Variants in CTNNBL1 observed in about 807,000 individuals in gnomAD.
CTNNBL1 encodes the protein catenin beta like 1.
A neutral mutation model predicts 72.7 loss-of-function variants in CTNNBL1; 31 were observed. The observed-to-expected ratio is 0.43, with a 90% confidence interval of 0.32 to 0.58. The LOEUF (loss-of-function observed/expected upper bound fraction) is 0.58, where lower values mean the gene tolerates loss of function less well. Among genes scored for constraint, CTNNBL1 ranks in the 20% least tolerant of loss-of-function variants. CTNNBL1 has a pLI of 0.08. For missense variants in CTNNBL1, 534 were observed against 725.1 expected (o/e 0.74, Z 3.03); for synonymous variants, 240 against 267.3 (o/e 0.90, Z 1.00).
chr20:37,854,243 GT>G (rs2072419698), intron 13 of CTNNBL1, among the ~76,000 whole-genome samples: 1 of 152,126 alleles, frequency 6.6e-6, no homozygotes, highest in Non-Finnish European at 1.5e-5. Flanking sequence ...TACCTGCCTG[GT>G]TAAAAGAAGA....
intron 13 of CTNNBL1, among the ~76,000 whole-genome samples, 189 bp downstream of exon 13, chr20:37,842,608 A>G (rs1163330496): frequency 6.6e-6 from 1 of 152,168 alleles, no homozygotes; most frequent in Non-Finnish European, 1.5e-5. Context: ...CCCTTTCAGG[A>G]AGAAGTATGT....
intron 11 of CTNNBL1, among the ~76,000 whole-genome samples, chr20:37,809,572 A>G (rs543963236): frequency 1.3e-5 from 2 of 152,312 alleles, no homozygotes; most frequent in Non-Finnish European, 2.9e-5. Flanking sequence ...GCTCCTGATC[A>G]CACGTGTCAC....
chr20:37,853,174 C>T (rs992323943), intron 13 of CTNNBL1, among the ~76,000 whole-genome samples: 5 of 152,182 alleles, frequency 3.3e-5, no homozygotes, highest in African/African-American at 7.2e-5. Flanking sequence ...GATCTCCACA[C>T]GGGCCAGCTA....
chr20:37,767,044 C>T (rs1272715286), intron 6 of CTNNBL1, among the ~76,000 whole-genome samples: 2 of 152,098 alleles, frequency 1.3e-5, no homozygotes, highest in South Asian at 2.1e-4. Context: ...ACTGGGGAGG[C>T]TGATGTGGGC....
chr20:37,838,957 A>G (rs1024064292), intron 11 of CTNNBL1, among the ~76,000 whole-genome samples: 3 of 152,200 alleles, frequency 2.0e-5, no homozygotes, highest in Non-Finnish European at 4.4e-5. Context: ...AGCTGAATAT[A>G]TGAGTCAGCA....
At chr20:37,809,579 T>C (rs1021049988) in intron 11 of CTNNBL1, among the ~76,000 whole-genome samples, 2 of 152,202 alleles carry the variant, frequency 1.3e-5, no homozygotes, top group African/African-American at 4.8e-5. Context: ...ATCACACGTG[T>C]CACACTCATT....
At chr20:37,787,590 C>A (rs138904874) in intron 10 of CTNNBL1, among the ~76,000 whole-genome samples, 1 of 152,152 alleles carries the variant, frequency 6.6e-6, no homozygotes, top group Non-Finnish European at 1.5e-5. Context: ...GTGATCCGCA[C>A]GCCTTGGCCT....
intron 11 of CTNNBL1, among the ~76,000 whole-genome samples, chr20:37,816,404 G>A (rs1442736358): frequency 1.3e-5 from 2 of 152,130 alleles, no homozygotes; most frequent in Non-Finnish European, 2.9e-5. Context: ...GTAGCCCTGG[G>A]CTGGGTTCAG....
chr20:37,721,251 C>T (rs1427418233), intron 1 of CTNNBL1, among the ~76,000 whole-genome samples: 1 of 152,188 alleles, frequency 6.6e-6, no homozygotes, highest in Admixed American at 6.5e-5. Context: ...TTTTAATGCA[C>T]AGTAGCTAAC....
intron 1 of CTNNBL1, among the ~76,000 whole-genome samples, chr20:37,712,958 C>T (rs189898685): frequency 3.9e-5 from 6 of 152,188 alleles, no homozygotes. Flanking sequence ...TTAAGCACCA[C>T]CGGACCTGGG....
chr20:37,704,574 G>A (rs770177566), intron 1 of CTNNBL1, among the ~76,000 whole-genome samples: 4 of 152,156 alleles, frequency 2.6e-5, no homozygotes, highest in Middle Eastern at 6.8e-3. Flanking sequence ...TGCTGGGTTT[G>A]GAGGTGCGCG....
intron 15 of CTNNBL1, among the ~76,000 whole-genome samples, chr20:37,870,543 A>G (rs964295115): frequency 6.6e-6 from 1 of 152,014 alleles, no homozygotes; most frequent in African/African-American, 2.4e-5. Flanking sequence ...TGTAAATCCT[A>G]TTGGAGCCAC....
At chr20:37,842,532 G>A in intron 13 of CTNNBL1, 113 bp downstream of exon 13, 1 of 731,310 alleles carries the variant, frequency 1.4e-6, no homozygotes, top group South Asian at 1.6e-5. Flanking sequence ...CATCTAACAT[G>A]TTATAGAAGT....
chr20:37,844,200 G>A (rs1269807657), intron 13 of CTNNBL1, among the ~76,000 whole-genome samples: 1 of 152,126 alleles, frequency 6.6e-6, no homozygotes, highest in Non-Finnish European at 1.5e-5. Flanking sequence ...CAGAATCCCC[G>A]ATGTTATCTG....
intron 1 of CTNNBL1, among the ~76,000 whole-genome samples, chr20:37,711,419 C>T (rs1014490578): frequency 1.3e-5 from 2 of 151,334 alleles, no homozygotes; most frequent in Non-Finnish European, 1.5e-5. Context: ...TTTAATCATT[C>T]CATACATATT....
chr20:37,777,520 C>G (rs1364189257), intron 8 of CTNNBL1, 103 bp downstream of exon 8: 1 of 1,386,986 alleles, frequency 7.2e-7, no homozygotes, highest in African/African-American at 1.4e-5. Context: ...CTTGCTCTCC[C>G]TCTCACTCCC....
At chr20:37,839,135 A>G (rs6013209) in intron 11 of CTNNBL1, among the ~76,000 whole-genome samples, 124,507 of 152,134 alleles carry the variant, frequency 0.82, 51,007 homozygotes, top group Middle Eastern at 0.89. Flanking sequence ...AAACGAGGGG[A>G]TGGGGAATGC....
chr20:37,768,062 G>T lies in CTNNBL1; in HGVS notation c.750+18G>T. On this transcript the variant is annotated intron_variant, in intron 7 of 15. Coordinates refer to ENST00000361383, the MANE Select transcript of CTNNBL1 (RefSeq NM_030877.5). ...GGCTGAAGGTGAGTTTGGCTGTGGG[G>T]AACTGCAGCTCACACCTGTCTTTGC... is the stretch of plus-strand genomic sequence containing the variant. 1 of 1,598,598 alleles carries T rather than the reference G, an allele frequency of 6.3e-7. No homozygotes were observed.
intron 3 of CTNNBL1, among the ~76,000 whole-genome samples, chr20:37,746,248 A>G (rs1375658612): frequency 6.6e-6 from 1 of 152,152 alleles, no homozygotes; most frequent in Non-Finnish European, 1.5e-5. Flanking sequence ...AGAGTAAGGG[A>G]ACCCTGTAAT....
Sources: gnomAD v4.1 joint callset for allele counts (sites outside exome capture counted in the v4.1 genomes callset) on GRCh38, gnomAD v4.1.1 for gene constraint, MANE v1.5 for transcripts, NCBI Gene and HGNC (gene_info 2026-07-23, HGNC 2026-07-21) for gene names.